DLG2: variants seen among roughly 807,000 people sequenced by gnomAD.
DLG2 encodes the protein disks large homolog 2.
In DLG2, 45 loss-of-function variants were observed where a neutral mutation model predicts 132.5. That is an observed-to-expected ratio of 0.34 (90% CI 0.27 to 0.44). DLG2 has a LOEUF of 0.44. Among genes scored for constraint, DLG2 ranks in the 20% least tolerant of loss-of-function variants. The probability of loss-of-function intolerance (pLI) is 1.00; values close to 1 mark genes in which losing one functional copy is unlikely to be tolerated. For missense variants in DLG2, 1,045 were observed against 1,196.9 expected (o/e 0.87, Z 1.87); for synonymous variants, 424 against 419.6 (o/e 1.01, Z -0.13).
intron 4 of DLG2, among the ~76,000 whole-genome samples, chr11:85,212,307 C>T (rs971228178): frequency 3.3e-5 from 5 of 152,042 alleles, no homozygotes; most frequent in Admixed American, 6.6e-5. Flanking sequence ...CACTCACTCC[C>T]TCTCCTCTCC....
At chr11:84,386,921 T>C (rs952918773) in intron 7 of DLG2, among the ~76,000 whole-genome samples, 1 of 152,152 alleles carries the variant, frequency 6.6e-6, no homozygotes, top group African/African-American at 2.4e-5. Context: ...GCCTTTATTG[T>C]CATATTTTTA....
chr11:83,730,371 ATATACT>A (rs1464375595), intron 18 of DLG2, among the ~76,000 whole-genome samples: 1 of 152,176 alleles, frequency 6.6e-6, no homozygotes, highest in Non-Finnish European at 1.5e-5. Flanking sequence ...TTTTAAGAAC[ATATACT>A]TAAGCTATAA....
At chr11:85,394,177 A>T (rs1458614361) in intron 3 of DLG2, among the ~76,000 whole-genome samples, 1 of 152,204 alleles carries the variant, frequency 6.6e-6, no homozygotes, top group East Asian at 1.9e-4. Context: ...TAACTATAAG[A>T]TGTATATACT....
intron 12 of DLG2, among the ~76,000 whole-genome samples, chr11:83,972,691 C>T (rs1242739821): frequency 1.3e-5 from 2 of 151,994 alleles, no homozygotes; most frequent in African/African-American, 4.8e-5. Flanking sequence ...ATCAAAATTC[C>T]CTATTTTATA....
intron 6 of DLG2, among the ~76,000 whole-genome samples, chr11:84,771,941 C>G (rs950832123): frequency 2.0e-5 from 3 of 151,908 alleles, no homozygotes; most frequent in Non-Finnish European, 4.4e-5. Context: ...AAGCTAAGAG[C>G]CAAATCAAAA....
At position 83,469,214 on chromosome 11, in the gene DLG2, A is replaced by C; in HGVS notation, c.2606T>G (p.Phe869Cys). ...TGGTGAACATACTCTTTCTGCTACA[A>C]ATCTCACAGACTGCACACTGGTTCC... ...LYGTSVQSVR[F>C]VAERGKHCIL... The change falls in exon 25 of 28, where the codon TTT (phenylalanine) becomes TGT (cysteine). Residue 869 changes from phenylalanine to cysteine, a missense_variant. Phe to Cys is a radical substitution (Grantham distance 205, BLOSUM62 -2). Around this residue, in one of 4 missense-constraint regions of DLG2, gnomAD observed 398 missense variants for 543.6 expected, o/e 0.73. Transcript: ENST00000376104. 3 of 1,607,048 alleles carry C rather than the reference A, an allele frequency of 1.9e-6. No homozygotes were observed. The highest frequency in any genetic ancestry group is 2.5e-6 in the Non-Finnish European group (3 of 1,176,926).
At chr11:84,038,486 TTG>T (rs955433749) in intron 11 of DLG2, among the ~76,000 whole-genome samples, 7 of 152,054 alleles carry the variant, frequency 4.6e-5, no homozygotes, top group Admixed American at 1.3e-4. Flanking sequence ...TATAAAAACT[TTG>T]TGTTTTTTTA....
intron 18 of DLG2, among the ~76,000 whole-genome samples, chr11:83,698,188 A>G (rs766265716): frequency 9.9e-5 from 15 of 152,204 alleles, no homozygotes; most frequent in Admixed American, 2.6e-4. Flanking sequence ...CTGGCATATA[A>G]CAAGTATGGT....
chr11:84,619,269 T>C (rs1306594643), intron 6 of DLG2, among the ~76,000 whole-genome samples: 2 of 151,836 alleles, frequency 1.3e-5, no homozygotes, highest in East Asian at 3.9e-4. Context: ...CTCAAACAAA[T>C]AAATATTTGT....
chr11:84,506,618 C>T (rs2099242145), intron 7 of DLG2, among the ~76,000 whole-genome samples: 1 of 152,098 alleles, frequency 6.6e-6, no homozygotes, highest in South Asian at 2.1e-4. Context: ...TGATTTTAGT[C>T]CAGTAAGGGC....
At chr11:84,199,629 T>C (rs2096566270) in intron 8 of DLG2, among the ~76,000 whole-genome samples, 1 of 151,946 alleles carries the variant, frequency 6.6e-6, no homozygotes, top group Non-Finnish European at 1.5e-5. Context: ...AAAATCAAAA[T>C]TGTAGATATG....
At chr11:83,763,312 A>T (rs1362693308) in intron 18 of DLG2, among the ~76,000 whole-genome samples, 1 of 151,982 alleles carries the variant, frequency 6.6e-6, no homozygotes, top group Non-Finnish European at 1.5e-5. Flanking sequence ...TTTTTTTTAA[A>T]TCCTCTCCCT....
At chr11:85,170,592 T>C (rs373542102) in intron 4 of DLG2, among the ~76,000 whole-genome samples, 2 of 152,318 alleles carry the variant, frequency 1.3e-5, no homozygotes, top group South Asian at 2.1e-4. Context: ...TGAGGTATCA[T>C]GTTCTGAGCC....
chr11:84,194,549 A>G (rs12794331), intron 8 of DLG2, among the ~76,000 whole-genome samples: 7,468 of 152,170 alleles, frequency 0.049, 221 homozygotes, highest in Middle Eastern at 0.061. Flanking sequence ...TATCTGGCCC[A>G]CCCACATCCT....
At chr11:85,314,848 G>C (rs934151016) in intron 3 of DLG2, among the ~76,000 whole-genome samples, 10 of 151,966 alleles carry the variant, frequency 6.6e-5, no homozygotes, top group Non-Finnish European at 1.2e-4. Context: ...TGTCAGCCTG[G>C]TAGTGTACCT....
chr11:83,985,298 C>G (rs2093174412), intron 11 of DLG2, among the ~76,000 whole-genome samples: 1 of 152,044 alleles, frequency 6.6e-6, no homozygotes, highest in Admixed American at 6.6e-5. Context: ...CTCCTTCATT[C>G]CACTCAAAAC....
intron 15 of DLG2, among the ~76,000 whole-genome samples, chr11:83,905,819 T>C (rs1003659228): frequency 8.5e-5 from 13 of 152,164 alleles, no homozygotes; most frequent in African/African-American, 3.1e-4. Flanking sequence ...AAGCCATTTG[T>C]ACATTATCAA....
chr11:83,592,520 G>T (rs1335548175), intron 19 of DLG2, among the ~76,000 whole-genome samples: 1 of 152,008 alleles, frequency 6.6e-6, no homozygotes, highest in Non-Finnish European at 1.5e-5. Flanking sequence ...TTAAACGTTA[G>T]ACCTAAAACC....
At chr11:84,210,542 A>AG (rs2096740003) in intron 8 of DLG2, among the ~76,000 whole-genome samples, 1 of 76,650 alleles carries the variant, frequency 1.3e-5, no homozygotes, top group African/African-American at 3.1e-5. Context: ...AAAAAAAAAA[A>AG]AAAAGAATCT....
Sources: allele counts gnomAD v4.1 joint callset (sites outside exome capture counted in the v4.1 genomes callset), GRCh38; gene constraint gnomAD v4.1.1; regional missense constraint gnomAD v4.1.1; transcripts MANE v1.5; gene names NCBI Gene and HGNC (gene_info 2026-07-23, HGNC 2026-07-21).